ZNF469: variants seen among roughly 807,000 people sequenced by gnomAD.
ZNF469 encodes the protein zinc finger protein 469.
In ZNF469, 1 loss-of-function variant was observed where a neutral mutation model predicts 1.0. The ratio of observed to expected loss-of-function variants is 1.00; its 90% CI spans 0.35 to 4.73. The LOEUF is 4.73. Ranked by LOEUF, ZNF469 falls within the 30% of genes most tolerant of loss-of-function variation. ZNF469 has a pLI of 0.16. For synonymous variants in ZNF469, 2,703 were observed against 2,363.4 expected, an observed-to-expected ratio of 1.14 and a Z score of -4.17; for missense variants, 6,100 against 5,356.3, an observed-to-expected ratio of 1.14 and a Z score of -4.33.
At chr16:88,195,752 A>G in the ZNF469 span, among the ~76,000 whole-genome samples, 2 of 152,366 alleles carry the variant, frequency 1.3e-5, no homozygotes, top group South Asian at 2.1e-4. Flanking sequence ...AACAGAGCCC[A>G]GAGCGTCAGG....
the ZNF469 span, chr16:88,100,956 C>CGCT: frequency 5.7e-5 from 16 of 279,242 alleles, no homozygotes; most frequent in Middle Eastern, 1.3e-3. Context: ...AGCCCCAACG[C>CGCT]GCTGCTGCTG....
At chr16:88,275,264 G>A in the ZNF469 span, among the ~76,000 whole-genome samples, 5 of 152,210 alleles carry the variant, frequency 3.3e-5, no homozygotes, top group East Asian at 1.9e-4. Flanking sequence ...TGGGGAGGCC[G>A]AACAGTGGAT....
the ZNF469 span, among the ~76,000 whole-genome samples, chr16:88,290,835 A>C: frequency 6.6e-6 from 1 of 152,234 alleles, no homozygotes; most frequent in African/African-American, 2.4e-5. Context: ...CCCTGATTGC[A>C]AATGACCTAG....
intron 1 of ZNF469, among the ~76,000 whole-genome samples, chr16:88,406,841 T>C (rs1905040056): frequency 6.6e-6 from 1 of 152,148 alleles, no homozygotes; most frequent in Non-Finnish European, 1.5e-5. Flanking sequence ...TGACACAGGG[T>C]TGGCGCCACA....
At chr16:88,345,742 A>T in the ZNF469 span, among the ~76,000 whole-genome samples, 1 of 151,974 alleles carries the variant, frequency 6.6e-6, no homozygotes, top group Non-Finnish European at 1.5e-5. Context: ...AGCTCTCCTC[A>T]CGTGGATGGA....
At chr16:88,189,351 C>T in the ZNF469 span, among the ~76,000 whole-genome samples, 1 of 152,112 alleles carries the variant, frequency 6.6e-6, no homozygotes, top group African/African-American at 2.4e-5. This position sits in a 1 kb window ranked among gnomAD's most constrained non-coding sequence, Gnocchi z 4.3. Context: ...ATGGTTCTTC[C>T]CAACCGGGGT....
At chr16:88,181,104 G>A in the ZNF469 span, among the ~76,000 whole-genome samples, 2 of 145,446 alleles carry the variant, frequency 1.4e-5, no homozygotes, top group Admixed American at 7.0e-5. Flanking sequence ...ACGCAGTCTC[G>A]CTGTCGCCCA....
the ZNF469 span, among the ~76,000 whole-genome samples, chr16:88,292,953 C>T: frequency 6.6e-6 from 1 of 152,208 alleles, no homozygotes; most frequent in African/African-American, 2.4e-5. Context: ...CCTAAATGCC[C>T]TTGGGGAGGC....
At chr16:88,332,090 G>A in the ZNF469 span, among the ~76,000 whole-genome samples, 1 of 152,206 alleles carries the variant, frequency 6.6e-6, no homozygotes, top group East Asian at 1.9e-4. Context: ...CAGCCCTGAG[G>A]ACAGGCATGA....
chr16:88,310,053 A>T, the ZNF469 span, among the ~76,000 whole-genome samples: 4 of 151,992 alleles, frequency 2.6e-5, no homozygotes, highest in Non-Finnish European at 5.9e-5. Flanking sequence ...CTGTGCACTG[A>T]GTGGCCTGAG....
chr16:88,133,745 T>A, the ZNF469 span, among the ~76,000 whole-genome samples: 14 of 152,126 alleles, frequency 9.2e-5, no homozygotes, highest in African/African-American at 1.4e-4. Flanking sequence ...AATTCTTGTG[T>A]TTTGAATATT....
chr16:88,224,691 G>A, the ZNF469 span, among the ~76,000 whole-genome samples: 4 of 152,224 alleles, frequency 2.6e-5, no homozygotes, highest in Non-Finnish European at 5.9e-5. Context: ...AGCTCTGCCC[G>A]TGTGTCTCTG....
chr16:88,433,899 A>G lies in ZNF469; in HGVS notation c.6429A>G (p.Gln2143=), dbSNP rs1178565978. The G allele has an allele frequency of 6.5e-7, 1 of 1,549,140 alleles. No homozygotes were observed. The highest frequency in any genetic ancestry group is 2.0e-5 in the Admixed American group (1 of 50,978). The change falls in exon 3 of 3, where the codon CAA becomes CAG. Residue 2143 remains glutamine (Q), a synonymous_variant. Transcript: ENST00000565624. ...CACTTACCTCGCCTTCCAGGGCCCA[A>G]GGTGGGCTGGGGGGGCAGCTGCCAG... ...EDPLTSPSRA[Q]GGLGGQLPAS...
chr16:88,158,122 G>A, the ZNF469 span, among the ~76,000 whole-genome samples: 3 of 151,986 alleles, frequency 2.0e-5, no homozygotes, highest in African/African-American at 4.8e-5. Context: ...ATAGACTCAG[G>A]GTCCAGGGAG....
At chr16:88,176,363 G>C in the ZNF469 span, among the ~76,000 whole-genome samples, 1 of 150,026 alleles carries the variant, frequency 6.7e-6, no homozygotes, top group Admixed American at 6.6e-5. Context: ...GCAGTGCAGA[G>C]AACATGATGG....
chr16:88,318,575 C>G, the ZNF469 span, among the ~76,000 whole-genome samples: 4 of 152,238 alleles, frequency 2.6e-5, no homozygotes, highest in Non-Finnish European at 5.9e-5. Flanking sequence ...GGTGGGGGAT[C>G]AAGAAGGGGA....
the ZNF469 span, among the ~76,000 whole-genome samples, chr16:88,173,912 G>A: frequency 6.6e-6 from 1 of 151,524 alleles, no homozygotes; most frequent in Non-Finnish European, 1.5e-5. Context: ...TCTAAAAGAA[G>A]GCATGAAAAA....
At chr16:88,227,596 G>C in the ZNF469 span, among the ~76,000 whole-genome samples, 2 of 76,886 alleles carry the variant, frequency 2.6e-5, no homozygotes, top group Non-Finnish European at 4.9e-5. Context: ...TCCCTCCCTC[G>C]AGTCTCCCCA....
At chr16:88,315,211 G>A in the ZNF469 span, among the ~76,000 whole-genome samples, 5 of 152,338 alleles carry the variant, frequency 3.3e-5, no homozygotes, top group East Asian at 9.6e-4. Flanking sequence ...TGTGCGGCTT[G>A]GTTTTCCTCA....
Sources: allele counts gnomAD v4.1 joint callset (sites outside exome capture counted in the v4.1 genomes callset), GRCh38; gene constraint gnomAD v4.1.1; non-coding constraint Gnocchi (gnomAD v3.1); transcripts MANE v1.5; gene names NCBI Gene and HGNC (gene_info 2026-07-23, HGNC 2026-07-21).